The following SNX7 variants were observed in gnomAD, a reference collection of about 807,000 sequenced individuals.
SNX7 encodes the protein sorting nexin-7.
SNX7 carries 35 observed loss-of-function variants against 48.4 expected under a neutral mutation model. That is an observed-to-expected ratio of 0.72 (90% CI 0.55 to 0.96). SNX7 has a LOEUF of 0.96. Ranked by LOEUF, SNX7 falls within the 40% of genes least tolerant of loss-of-function variation. The pLI is 0.00. For synonymous variants in SNX7, 190 were observed against 190.2 expected (o/e 1.00, Z 0.01); for missense variants, 553 against 548.9 (o/e 1.01, Z -0.07).
intron 1 of SNX7, among the ~76,000 whole-genome samples, chr1:98,675,329 G>A (rs919167534): frequency 6.6e-5 from 10 of 152,040 alleles, no homozygotes; most frequent in Non-Finnish European, 1.0e-4. Context: ...TAGATAGTCA[G>A]TTTTATTGAG....
chr1:98,758,120 C>T (rs1226648970), intron 8 of SNX7, among the ~76,000 whole-genome samples: 1 of 152,064 alleles, frequency 6.6e-6, no homozygotes, highest in Non-Finnish European at 1.5e-5. Flanking sequence ...ATAGTAAGAA[C>T]TCCAAAATAT....
intron 8 of SNX7, among the ~76,000 whole-genome samples, chr1:98,758,558 G>T (rs1654967224): frequency 6.6e-6 from 1 of 151,974 alleles, no homozygotes; most frequent in African/African-American, 2.4e-5. Context: ...GATTGTACTT[G>T]GCTTTCAGTA....
At position 98,700,880 on chromosome 1, in the gene SNX7, A is replaced by G. The variant is rs995468770; in HGVS notation, c.1039-937A>G. On this transcript the variant is annotated intron_variant, in intron 6 of 8. Transcript: ENST00000306121. ...CTTTCCTTCTTCTTTAAAACACCAG[A>G]AGGCCCTTCTCTTTTATGTCCTGTA... is the stretch of plus-strand genomic sequence containing the variant. Among the ~76,000 whole-genome samples the G allele has an allele frequency of 2.0e-5, 3 of 152,134 alleles. No homozygotes were observed. The East Asian group carries it at 5.8e-4, about 29-fold the overall frequency.
intron 1 of SNX7, 127 bp downstream of exon 1, chr1:98,662,038 G>T (rs1365298470): frequency 7.8e-6 from 8 of 1,028,060 alleles, no homozygotes; most frequent in Admixed American, 4.3e-5. Flanking sequence ...GGGGACGAGT[G>T]AGGTCCCCCG....
At chr1:98,694,099 G>A (rs1286266359) in intron 4 of SNX7, among the ~76,000 whole-genome samples, 7 of 152,106 alleles carry the variant, frequency 4.6e-5, no homozygotes, top group Admixed American at 3.9e-4. Context: ...AGCTGGGCGC[G>A]GTGGCTCACG....
At position 98,691,640 on chromosome 1, in the gene SNX7, GA is replaced by G; in HGVS notation, c.581del (p.Asp194ValfsTer5). On this transcript the variant is annotated frameshift_variant, in exon 4 of 9. Coordinates refer to ENST00000306121, the MANE Select transcript of SNX7 (RefSeq NM_015976.5). LOFTEE classifies it high-confidence loss of function. ...ALHKFLNRIADHPTLTFNEDF... is the reference protein window; with the variant it reads ...ALHKFLNRIAXHPTLTFNEDF... ...ACATAAATTTTTGAACCGAATTGCTGATCATCCAACTTTAACATTTAATGAA... is the reference window on the plus strand; with the variant it reads ...ACATAAATTTTTGAACCGAATTGCTGTCATCCAACTTTAACATTTAATGAA... The G allele has an allele frequency of 6.2e-7, 1 of 1,610,724 alleles. No individual in the cohort carries two copies. Among genetic ancestry groups the G allele is most frequent in the Non-Finnish European group, 8.5e-7 (1 of 1,178,146 alleles).
At chr1:98,690,634 T>A (rs945307976) in intron 2 of SNX7, among the ~76,000 whole-genome samples, 2 of 152,102 alleles carry the variant, frequency 1.3e-5, no homozygotes, top group Non-Finnish European at 1.5e-5. Context: ...TTTTCTCAGT[T>A]ACATTCAGGT....
At position 98,738,386 on chromosome 1, in the gene SNX7, A is replaced by G. The variant is rs370325354; in HGVS notation, c.1275A>G (p.Glu425=). The G allele has an allele frequency of 1.9e-6, 3 of 1,612,398 alleles. No homozygotes were observed. In the African/African-American group the frequency reaches 4.0e-5, roughly 22 times the overall value. ...DMAEENIHYY[E]QCLATWESFL... The stretch of plus-strand genomic sequence containing the variant: ...CTGAGGAGAATATCCATTATTATGA[A>G]CAGGTAATTAGTGTTGTTTGATATT... Residue 425 remains glutamate, a synonymous_variant, in exon 8 of 9, where the codon GAA becomes GAG. Coordinates refer to ENST00000306121, the MANE Select transcript of SNX7 (RefSeq NM_015976.5).
chr1:98,721,689 A>C (rs1177186427), intron 7 of SNX7, among the ~76,000 whole-genome samples: 1 of 152,058 alleles, frequency 6.6e-6, no homozygotes, highest in East Asian at 1.9e-4. Context: ...ATAACAGAAA[A>C]TTGGCCTGTG....
chr1:98,683,523 A>G (rs1200883270), intron 1 of SNX7, among the ~76,000 whole-genome samples: 1 of 152,084 alleles, frequency 6.6e-6, no homozygotes, highest in East Asian at 1.9e-4. Context: ...TGGAGCTCTC[A>G]TGATTAGGAT....
intron 1 of SNX7, among the ~76,000 whole-genome samples, chr1:98,669,503 C>T (rs772259933): frequency 1.3e-5 from 2 of 152,194 alleles, no homozygotes; most frequent in South Asian, 4.1e-4. Context: ...TCTCCTTCAC[C>T]CCCACTCTCT....
At position 98,702,710 on chromosome 1, in the gene SNX7, G is replaced by A. The variant is rs372490989; in HGVS notation, c.1125+807G>A. 1.2e-4 allele frequency among the ~76,000 whole-genome samples: 19 copies of A among 152,244 alleles called. No homozygotes were observed. The East Asian group carries it at 1.9e-3, about 15-fold the overall frequency. Reference sequence around the variant, plus strand: ...TGAAATGCAGAATAGGATTGGAGGTGATGACGTCTCTTGCCTGCCTCAGAC... The same window carrying A: ...TGAAATGCAGAATAGGATTGGAGGTAATGACGTCTCTTGCCTGCCTCAGAC... On this transcript the variant is annotated intron_variant, in intron 7 of 8. Coordinates refer to ENST00000306121, the MANE Select transcript of SNX7 (RefSeq NM_015976.5).
intron 5 of SNX7, among the ~76,000 whole-genome samples, chr1:98,697,394 TTAAA>T (rs1340245216): frequency 6.6e-6 from 1 of 152,100 alleles, no homozygotes. Context: ...TGTAAGATGG[TTAAA>T]TATAGATAAT....
At chr1:98,697,585 G>C (rs1651526294) in intron 5 of SNX7, among the ~76,000 whole-genome samples, 1 of 152,094 alleles carries the variant, frequency 6.6e-6, no homozygotes, top group Non-Finnish European at 1.5e-5. Context: ...ATCAAACACT[G>C]AATGGTCTTT....
chr1:98,738,158 T>C, intron 7 of SNX7, 79 bp from the exon 8 acceptor site: 1 of 1,460,802 alleles, frequency 6.8e-7, no homozygotes, highest in Admixed American at 2.0e-5. Flanking sequence ...TTTGGTATTT[T>C]GTTCAACTTA....
intron 1 of SNX7, among the ~76,000 whole-genome samples, chr1:98,677,992 TG>T (rs1463491043): frequency 9.7e-6 from 1 of 103,214 alleles, no homozygotes; most frequent in Non-Finnish European, 1.7e-5. Flanking sequence ...TGTGTGTGCG[TG>T]TGTGTGTGTG....
chr1:98,705,041 C>T (rs1184328617), intron 7 of SNX7, among the ~76,000 whole-genome samples: 2 of 152,078 alleles, frequency 1.3e-5, no homozygotes, highest in Non-Finnish European at 2.9e-5. Flanking sequence ...TGCATTTGAA[C>T]AATAATGGCA....
At chr1:98,692,939 C>A (rs1651227803) in intron 4 of SNX7, among the ~76,000 whole-genome samples, 1 of 152,032 alleles carries the variant, frequency 6.6e-6, no homozygotes, top group African/African-American at 2.4e-5. Context: ...TCATGACATA[C>A]CTTTCTCTCA....
intron 8 of SNX7, among the ~76,000 whole-genome samples, chr1:98,758,724 C>G (rs1654976741): frequency 6.6e-6 from 1 of 151,720 alleles, no homozygotes; most frequent in African/African-American, 2.4e-5. Context: ...TAAATTTTAC[C>G]CAGTATCTTT....
Sources: gnomAD v4.1 joint callset for allele counts (sites outside exome capture counted in the v4.1 genomes callset) on GRCh38, gnomAD v4.1.1 for gene constraint, MANE v1.5 for transcripts, NCBI Gene and HGNC (gene_info 2026-07-23, HGNC 2026-07-21) for gene names.